CNDP1: variants seen among roughly 807,000 people sequenced by gnomAD.
CNDP1 encodes beta-Ala-His dipeptidase.
In CNDP1, 44 loss-of-function variants were observed where a neutral mutation model predicts 58.1. That is an observed-to-expected ratio of 0.76 (90% CI 0.60 to 0.97). The LOEUF (loss-of-function observed/expected upper bound fraction) is 0.97. Ranked by LOEUF, CNDP1 falls within the 50% of genes least tolerant of loss-of-function variation. The pLI is 0.00. For missense variants in CNDP1, 616 were observed against 655.1 expected (o/e 0.94, Z 0.65); for synonymous variants, 254 against 252.6 (o/e 1.01, Z -0.05).
intron 1 of CNDP1, among the ~76,000 whole-genome samples, chr18:74,549,113 C>A (rs1398150821): frequency 6.6e-6 from 1 of 152,168 alleles, no homozygotes; most frequent in Non-Finnish European, 1.5e-5. Flanking sequence ...ATAACTTTGC[C>A]ATGAACTATC....
rs1249568150 is a variant in CNDP1 at position 74,561,031 on chromosome 18, C to T, written c.466+13C>T. On this transcript the variant is annotated intron_variant, in intron 4 of 11. Coordinates refer to ENST00000358821, the MANE Select transcript of CNDP1 (RefSeq NM_032649.6). ...ACGGAGGTAGACGGTCAGTGAGGCG[C>T]CCGGGCTACAGTGCGGTGCTGCTGT... The T allele has an allele frequency of 1.2e-6, 2 of 1,609,078 alleles. No homozygotes were observed. Among genetic ancestry groups the T allele is most frequent in the African/African-American group, 2.7e-5 (2 of 74,816 alleles).
rs1215462848 is a variant in CNDP1, at chr18:74,557,329, CT to C, written c.153+865del. Among the ~76,000 whole-genome samples the C allele has an allele frequency of 3.3e-5, 5 of 152,284 alleles. No individual in the cohort carries two copies. In the South Asian group the frequency reaches 1.0e-3, roughly 32 times the overall value. ...CTCGACCTCCTGGGTTCAAGTGATC[CT>C]TCTGCCTCAGCCTCCCAAGTTTATA... On this transcript the variant is annotated intron_variant, in intron 2 of 11. Coordinates refer to ENST00000358821, the MANE Select transcript of CNDP1 (RefSeq NM_032649.6).
intron 1 of CNDP1, among the ~76,000 whole-genome samples, chr18:74,541,856 A>G (rs758922249): frequency 7.2e-5 from 11 of 152,210 alleles, no homozygotes; most frequent in Non-Finnish European, 1.3e-4. Context: ...GGTACCTTTC[A>G]TGGTACACGT....
Position 74,559,453 on chromosome 18 carries a change from T to G in CNDP1, c.284T>G (p.Val95Gly), listed in dbSNP as rs966253615. 6.2e-7 allele frequency: 1 copy of G among 1,609,440 alleles called. No individual in the cohort carries two copies. Among genetic ancestry groups the G allele is most frequent in the African/African-American group, 1.3e-5 (1 of 74,822 alleles). Residue 95 changes from valine to glycine, a missense_variant, in exon 3 of 12, where the codon GTG (valine) becomes GGG (glycine). Transcript: ENST00000358821. ...LQRLGARVAS[V>G]DMGPQQLPDG... Reference sequence around the variant, plus strand: ...CGCCTGGGGGCCCGTGTGGCCTCGGTGGACATGGGTCCTCAGCAGGTGCTG... The same window carrying G: ...CGCCTGGGGGCCCGTGTGGCCTCGGGGGACATGGGTCCTCAGCAGGTGCTG...
At position 74,563,160 on chromosome 18, in the gene CNDP1, A is replaced by G. The variant is rs576325861; in HGVS notation, c.555+1025A>G. Among the ~76,000 whole-genome samples the G allele has an allele frequency of 1.3e-3, 200 of 152,298 alleles. 1 individual carries two copies. Among genetic ancestry groups the G allele is most frequent in the African/African-American group, 4.4e-3 (184 of 41,558 alleles). On this transcript the variant is annotated intron_variant, in intron 5 of 11. Coordinates refer to ENST00000358821, the MANE Select transcript of CNDP1 (RefSeq NM_032649.6). Reference sequence around the variant, plus strand: ...TCAGAAGTTTATTTTCTCCTGAGACATAAGCAGATGGGAGGGGAGTTAAGT... The same window carrying G: ...TCAGAAGTTTATTTTCTCCTGAGACGTAAGCAGATGGGAGGGGAGTTAAGT...
At position 74,585,539 on chromosome 18, in the gene CNDP1, G is replaced by A. The variant is rs907088652; in HGVS notation, c.*977G>A. The A allele has an allele frequency of 2.8e-5, 4 of 143,436 alleles. No homozygotes were observed. Among genetic ancestry groups the A allele is most frequent in the Non-Finnish European group, 4.6e-5 (3 of 65,416 alleles). The allele number at this position is 143,436 out of a possible 1,614,324, so 8.9% of individuals were successfully genotyped here. A position where few individuals can be genotyped will look rare whatever the true frequency, so the allele number is the denominator to read the frequency against. On this transcript the variant is annotated 3_prime_UTR_variant, in exon 12 of 12. Coordinates refer to ENST00000358821, the MANE Select transcript of CNDP1 (RefSeq NM_032649.6). ...TTTAGTTAACCATCATGTTTGGCTT[G>A]ATTGGATTTGACGGTGTAAACAACA...
chr18:74,584,395 T>C (rs1311318136), intron 11 of CNDP1, 101 bp from the exon 12 acceptor site: 2 of 812,058 alleles, frequency 2.5e-6, no homozygotes, highest in African/African-American at 3.4e-5. Flanking sequence ...TTAAATGGAA[T>C]TTATAACATC....
intron 1 of CNDP1, among the ~76,000 whole-genome samples, chr18:74,538,573 G>T (rs1043505407): frequency 6.6e-6 from 1 of 152,086 alleles, no homozygotes; most frequent in Non-Finnish European, 1.5e-5. Context: ...ATTGCCGGTT[G>T]ATACAGTAGC....
intron 6 of CNDP1, among the ~76,000 whole-genome samples, chr18:74,569,515 T>C (rs567993254): frequency 6.6e-6 from 1 of 152,138 alleles, no homozygotes; most frequent in Non-Finnish European, 1.5e-5. Flanking sequence ...GTTTTAGGTC[T>C]GGTGTTTAAG....
rs562640322 is a variant in CNDP1 at position 74,562,625 on chromosome 18, G to A, written c.555+490G>A. On this transcript the variant is annotated intron_variant, in intron 5 of 11. Transcript: ENST00000358821. ...ATAGGAATCTCCATGACATTCTGCA[G>A]GAATCCTTGGATCTCTTCCCTGAGA... Among the ~76,000 whole-genome samples the A allele has an allele frequency of 1.3e-3, 196 of 152,280 alleles. 6 individuals carry two copies. In the South Asian group the frequency reaches 0.035, roughly 27 times the overall value.
chr18:74,576,793 C>T, intron 7 of CNDP1, 76 bp from the exon 8 acceptor site: 1 of 1,407,650 alleles, frequency 7.1e-7, no homozygotes, highest in Non-Finnish European at 9.7e-7. Flanking sequence ...AAGAGTCCTC[C>T]CACAGTCTGG....
At chr18:74,557,618 C>T (rs1364640264) in intron 2 of CNDP1, among the ~76,000 whole-genome samples, 1 of 151,978 alleles carries the variant, frequency 6.6e-6, no homozygotes, top group African/African-American at 2.4e-5. Context: ...TATATGTATC[C>T]CCACACACCC....
At position 74,583,543 on chromosome 18, in the gene CNDP1, C is replaced by T. The variant is rs1001465843; in HGVS notation, c.1310-18C>T. On this transcript the variant is annotated intron_variant, in intron 10 of 11. Coordinates refer to ENST00000358821, the MANE Select transcript of CNDP1 (RefSeq NM_032649.6). The stretch of plus-strand genomic sequence containing the variant: ...TCTTGTCCTTACCCTATTCAAATGC[C>T]TTCTTTTCCTGTCTCAGTGTTTGGA... 6.2e-7 allele frequency: 1 copy of T among 1,612,842 alleles called. No homozygotes were observed. The highest frequency in any genetic ancestry group is 8.5e-7 in the Non-Finnish European group (1 of 1,178,922).
At chr18:74,549,337 T>C (rs1980840066) in intron 1 of CNDP1, among the ~76,000 whole-genome samples, 1 of 152,248 alleles carries the variant, frequency 6.6e-6, no homozygotes, top group African/African-American at 2.4e-5. Flanking sequence ...CAAAGATTCA[T>C]TTAATGAATC....
Position 74,556,479 on chromosome 18 carries a change from A to G in CNDP1, c.153+13A>G. Reference sequence around the variant, plus strand: ...TGAATTTGTGCAGGTAGGAGAAAGAAACTACACAACTACACACAGAATGCT... The same window carrying G: ...TGAATTTGTGCAGGTAGGAGAAAGAGACTACACAACTACACACAGAATGCT... On this transcript the variant is annotated intron_variant, in intron 2 of 11. Coordinates refer to ENST00000358821, the MANE Select transcript of CNDP1 (RefSeq NM_032649.6). 6.2e-7 allele frequency: 1 copy of G among 1,613,446 alleles called. No individual in the cohort carries two copies. The highest frequency in any genetic ancestry group is 8.5e-7 in the Non-Finnish European group (1 of 1,179,392).
chr18:74,552,723 A>C (rs183921498), intron 1 of CNDP1, among the ~76,000 whole-genome samples: 4 of 152,366 alleles, frequency 2.6e-5, no homozygotes, highest in South Asian at 2.1e-4. Flanking sequence ...GGCTACTATG[A>C]ATAATGCCGC....
chr18:74,552,619 C>T (rs1599090078), intron 1 of CNDP1, among the ~76,000 whole-genome samples: 1 of 152,204 alleles, frequency 6.6e-6, no homozygotes, highest in South Asian at 2.1e-4. Context: ...AGATAAAAAT[C>T]ATTTTGTATA....
intron 1 of CNDP1, among the ~76,000 whole-genome samples, chr18:74,551,646 C>T (rs1193845779): frequency 6.6e-6 from 1 of 152,164 alleles, no homozygotes; most frequent in Non-Finnish European, 1.5e-5. Flanking sequence ...GTCAGGGCAT[C>T]AGGTCAGTCT....
chr18:74,569,838 T>C (rs956192322), intron 6 of CNDP1, among the ~76,000 whole-genome samples: 1 of 152,092 alleles, frequency 6.6e-6, no homozygotes, highest in Non-Finnish European at 1.5e-5. Flanking sequence ...ACCTAGCCAA[T>C]ATGTGAATGT....
Sources: allele counts gnomAD v4.1 joint callset (sites outside exome capture counted in the v4.1 genomes callset), GRCh38; gene constraint gnomAD v4.1.1; transcripts MANE v1.5; gene names NCBI Gene and HGNC (gene_info 2026-07-23, HGNC 2026-07-21).